The following ACTR3B variants were observed in gnomAD, a reference collection of about 807,000 sequenced individuals.
The protein encoded by ACTR3B is actin-related protein 3B.
Under a neutral mutation model 59.0 loss-of-function variants are expected in ACTR3B, and 8 were observed. The ratio of observed to expected loss-of-function variants is 0.14; its 90% confidence interval spans 0.08 to 0.24. The LOEUF (loss-of-function observed/expected upper bound fraction) is 0.24, where lower values mean the gene tolerates loss of function less well. Among genes scored for constraint, ACTR3B ranks in the 10% least tolerant of loss-of-function variants. The probability of loss-of-function intolerance (pLI) is 1.00; values close to 1 mark genes in which losing one functional copy is unlikely to be tolerated. For missense variants in ACTR3B, 245 were observed against 552.3 expected (o/e 0.44, Z 5.58); for synonymous variants, 148 against 197.9 (o/e 0.75, Z 2.12).
At chr7:152,818,334 A>G (rs1244160648) in intron 6 of ACTR3B, among the ~76,000 whole-genome samples, 4 of 152,254 alleles carry the variant, frequency 2.6e-5, no homozygotes, top group African/African-American at 9.6e-5. Flanking sequence ...CCAGCTGTAA[A>G]AATTACATTA....
At chr7:152,842,980 A>G (rs1797984788) in intron 9 of ACTR3B, among the ~76,000 whole-genome samples, 1 of 152,194 alleles carries the variant, frequency 6.6e-6, no homozygotes, top group Non-Finnish European at 1.5e-5. Flanking sequence ...CTTAGTGGTC[A>G]TTTGTATATT....
chr7:152,762,453 C>T (rs561200005), intron 1 of ACTR3B, among the ~76,000 whole-genome samples: 41 of 152,152 alleles, frequency 2.7e-4, no homozygotes, highest in Non-Finnish European at 4.9e-4. Flanking sequence ...TTAACATTTG[C>T]TTTGTCACTC....
chr7:152,816,428 G>T (rs1359868945), intron 5 of ACTR3B, 53 bp from the exon 6 acceptor site: 1 of 1,485,166 alleles, frequency 6.7e-7, no homozygotes, highest in African/African-American at 1.4e-5. Context: ...GAGCAGGCAG[G>T]TGGCTTTAGA....
intron 2 of ACTR3B, among the ~76,000 whole-genome samples, chr7:152,789,144 CT>C (rs2098186196): frequency 6.6e-6 from 1 of 151,986 alleles, no homozygotes; most frequent in Non-Finnish European, 1.5e-5. Flanking sequence ...AATTGCAGCA[CT>C]TTGGTAGGCC....
chr7:152,779,869 T>C (rs2098146192), intron 1 of ACTR3B, among the ~76,000 whole-genome samples: 1 of 152,250 alleles, frequency 6.6e-6, no homozygotes, highest in Admixed American at 6.5e-5. Flanking sequence ...GTTTGTTACA[T>C]TATGATTATT....
intron 4 of ACTR3B, among the ~76,000 whole-genome samples, chr7:152,807,773 C>T (rs938667936): frequency 2.0e-5 from 3 of 152,100 alleles, no homozygotes; most frequent in East Asian, 1.9e-4. Context: ...TCCTCTTTTG[C>T]GAGCTGTCTG....
intron 2 of ACTR3B, chr7:152,786,410 C>T (rs557166102): frequency 5.4e-4 from 125 of 231,294 alleles, no homozygotes; most frequent in African/African-American, 2.7e-3. Context: ...AAAATTAACC[C>T]GGGATGGTGG....
chr7:152,845,746 A>G (rs528963884), intron 9 of ACTR3B, among the ~76,000 whole-genome samples: 82 of 152,166 alleles, frequency 5.4e-4, no homozygotes, highest in African/African-American at 1.1e-3. Context: ...GTACAGGGAC[A>G]CCTGAGGGAT....
In ACTR3B at chr7:152,759,810, A is replaced by C; in HGVS notation, c.-73A>C. 1 of 1,124,778 alleles carries C rather than the reference A, an allele frequency of 8.9e-7. No individual in the cohort carries two copies. The highest frequency in any genetic ancestry group is 1.1e-6 in the Non-Finnish European group (1 of 908,986). The allele number at this position is 1,124,778 out of a possible 1,614,324, so 69.7% of individuals were successfully genotyped here. ...CGCGGGAGACGCTGCGCGCGGGGCT[A>C]GCGGGCGGCGGAGCGGACGGCGACG... On this transcript the variant is annotated 5_prime_UTR_variant, in exon 1 of 12. Transcript: ENST00000256001.
At chr7:152,833,527 G>A (rs532400005) in intron 9 of ACTR3B, among the ~76,000 whole-genome samples, 2,502 of 151,016 alleles carry the variant, frequency 0.017, 44 homozygotes, top group African/African-American at 0.048. Context: ...AGGGGAAGGC[G>A]TGTCTGTGAG....
rs934043090 is a variant in ACTR3B at position 152,842,933 on chromosome 7, T to A, written c.952-9193T>A. ...TGTGTGGTGGATTTAAGCTGTATGA[T>A]CCTGATGACAAATGTTGTTGACTGT... On this transcript the variant is annotated intron_variant, in intron 9 of 11. Transcript: ENST00000256001. Among the ~76,000 whole-genome samples, 86 of 152,250 alleles carry A rather than the reference T, an allele frequency of 5.6e-4. 1 individual carries two copies. Among genetic ancestry groups the A allele is most frequent in the African/African-American group, 1.9e-3 (77 of 41,478 alleles).
At chr7:152,813,736 CCAGGCTGGT>C (rs1463248945) in intron 4 of ACTR3B, 22 of 145,736 alleles carry the variant, frequency 1.5e-4, no homozygotes, top group African/African-American at 5.5e-4. Flanking sequence ...CCAATATTGC[CCAGGCTGGT>C]CTCAAACTCC....
intron 2 of ACTR3B, among the ~76,000 whole-genome samples, chr7:152,799,262 A>G (rs1306905967): frequency 6.6e-6 from 1 of 152,214 alleles, no homozygotes; most frequent in Admixed American, 6.5e-5. Flanking sequence ...CAAACCCACA[A>G]TAAATATTTT....
At chr7:152,818,973 A>G (rs191402260) in intron 6 of ACTR3B, among the ~76,000 whole-genome samples, 17 of 152,330 alleles carry the variant, frequency 1.1e-4, no homozygotes, top group Admixed American at 1.0e-3. Flanking sequence ...TTGGACATGT[A>G]TCTTGTTTTA....
intron 9 of ACTR3B, among the ~76,000 whole-genome samples, chr7:152,831,457 G>A (rs1397332767): frequency 2.0e-5 from 3 of 152,232 alleles, no homozygotes; most frequent in African/African-American, 7.2e-5. Context: ...GCTCGGTGGT[G>A]ATGGCAGTGT....
intron 9 of ACTR3B, among the ~76,000 whole-genome samples, chr7:152,834,935 G>A (rs560537210): frequency 6.6e-6 from 1 of 152,190 alleles, no homozygotes; most frequent in African/African-American, 2.4e-5. Flanking sequence ...AATGACTGTG[G>A]GCTGGTGTCC....
chr7:152,853,370 AG>A (rs1798986798), intron 10 of ACTR3B, 123 bp from the exon 11 acceptor site: 1 of 747,242 alleles, frequency 1.3e-6, no homozygotes, highest in Non-Finnish European at 2.3e-6. Flanking sequence ...GCTGGGTGTG[AG>A]GTGGTGCTCG....
chr7:152,776,028 A>G (rs2098135535), intron 1 of ACTR3B, among the ~76,000 whole-genome samples: 3 of 151,154 alleles, frequency 2.0e-5, no homozygotes, highest in South Asian at 4.2e-4. Context: ...TGATTTCTGT[A>G]TGAGAAAAGG....
At chr7:152,848,759 C>A (rs1360457737) in intron 9 of ACTR3B, among the ~76,000 whole-genome samples, 1 of 152,148 alleles carries the variant, frequency 6.6e-6, no homozygotes, top group African/African-American at 2.4e-5. Flanking sequence ...GAAAGAGTCA[C>A]CAGGCCACAA....
Sources: gnomAD v4.1 joint callset for allele counts (sites outside exome capture counted in the v4.1 genomes callset) on GRCh38, gnomAD v4.1.1 for gene constraint, MANE v1.5 for transcripts, NCBI Gene and HGNC (gene_info 2026-07-23, HGNC 2026-07-21) for gene names.